The following NUP54 variants were observed in gnomAD, a reference collection of about 807,000 sequenced individuals.
NUP54 encodes nucleoporin 54.
A neutral mutation model predicts 66.4 loss-of-function variants in NUP54; 27 were observed. The observed-to-expected ratio is 0.41, with a 90% confidence interval of 0.30 to 0.56. The LOEUF (loss-of-function observed/expected upper bound fraction) is 0.56, where lower values mean the gene tolerates loss of function less well. Ranked by LOEUF, NUP54 falls within the 20% of genes least tolerant of loss-of-function variation. The pLI is 0.34. For synonymous variants in NUP54, 206 were observed against 210.7 expected, an observed-to-expected ratio of 0.98 and a Z score of 0.19; for missense variants, 486 against 596.3, an observed-to-expected ratio of 0.82 and a Z score of 1.93.
In NUP54 at chr4:76,144,423, T is replaced by C. The variant is rs767714468; in HGVS notation, c.118A>G (p.Ser40Gly). Residue 40 changes from serine to glycine, a missense_variant, in exon 2 of 12, where the codon AGC (serine) becomes GGC (glycine). Transcript: ENST00000264883. ...CCTGTGTTAGTTGGGGCAGAAAAGC[T>C]GAATGCAGAACCTGCAGTTGTAGAT... ...TTSTTAGSAF[S>G]FSAPTNTGTT... 3.1e-6 allele frequency: 5 copies of C among 1,609,442 alleles called. No individual in the cohort carries two copies. In the Admixed American group the frequency reaches 8.5e-5, roughly 27 times the overall value.
chr4:76,124,460 A>G, intron 9 of NUP54, 189 bp downstream of exon 9: 1 of 353,074 alleles, frequency 2.8e-6, no homozygotes, highest in Non-Finnish European at 5.0e-6. Flanking sequence ...GGATATTTTT[A>G]TTCTCCTCAC....
intron 8 of NUP54, among the ~76,000 whole-genome samples, chr4:76,127,432 C>CAA (rs59383944): frequency 0.011 from 580 of 54,382 alleles, 20 homozygotes; most frequent in African/African-American, 0.033. Context: ...ACCCCCATCT[C>CAA]AAAAAAAAAA....
chr4:76,131,089 C>A, intron 7 of NUP54, 141 bp downstream of exon 7: 1 of 654,024 alleles, frequency 1.5e-6, no homozygotes. Flanking sequence ...TTTAGCTGGA[C>A]AATAATCAAT....
intron 9 of NUP54, among the ~76,000 whole-genome samples, chr4:76,122,397 C>T (rs1730274206): frequency 6.6e-6 from 1 of 152,098 alleles, no homozygotes; most frequent in Non-Finnish European, 1.5e-5. Flanking sequence ...TTTCCATCAC[C>T]CCAAGCCCCT....
intron 8 of NUP54, among the ~76,000 whole-genome samples, chr4:76,128,388 G>A (rs932348872): frequency 4.4e-5 from 5 of 113,476 alleles, no homozygotes; most frequent in African/African-American, 7.9e-5. Flanking sequence ...AGATTAAAAG[G>A]AAATGCTGAA....
At chr4:76,116,225 T>C (rs1729945915) in intron 11 of NUP54, among the ~76,000 whole-genome samples, 1 of 152,238 alleles carries the variant, frequency 6.6e-6, no homozygotes, top group Admixed American at 6.5e-5. Flanking sequence ...AACCTGTTAA[T>C]TTATTGCAAA....
intron 1 of NUP54, chr4:76,145,691 C>A: frequency 2.0e-6 from 1 of 505,140 alleles, no homozygotes; most frequent in Non-Finnish European, 3.0e-6. Flanking sequence ...TATCAAAAAG[C>A]CTTTCAAGAC....
Position 76,124,637 on chromosome 4 carries a change from C to T in NUP54, c.1164+12G>A. On this transcript the variant is annotated intron_variant, in intron 9 of 11. Coordinates refer to ENST00000264883, the MANE Select transcript of NUP54 (RefSeq NM_017426.4). Reference sequence around the variant, plus strand: ...TCTTATAAACACTGGGGGGGAAAATCCAAATTACTACCTGTAAAGTTCTAT... The same window carrying T: ...TCTTATAAACACTGGGGGGGAAAATTCAAATTACTACCTGTAAAGTTCTAT... 1.5e-6 allele frequency: 2 copies of T among 1,365,780 alleles called. No homozygotes were observed. Among genetic ancestry groups the T allele is most frequent in the Admixed American group, 1.7e-5 (1 of 57,222 alleles). 84.6% of individuals were successfully genotyped at this position (1,365,780 alleles called of 1,614,324 possible).
intron 6 of NUP54, 57 bp downstream of exon 6, chr4:76,132,466 G>C (rs1032125374): frequency 2.7e-5 from 35 of 1,302,786 alleles, no homozygotes; most frequent in East Asian, 4.9e-5. Flanking sequence ...GAAATACGGG[G>C]AGTGTTTAGT....
chr4:76,130,163 G>A (rs1310756867), intron 8 of NUP54, among the ~76,000 whole-genome samples: 3 of 151,340 alleles, frequency 2.0e-5, no homozygotes, highest in Non-Finnish European at 4.4e-5. Flanking sequence ...GAATTTTTTA[G>A]TACAGACCAG....
intron 8 of NUP54, among the ~76,000 whole-genome samples, chr4:76,128,181 T>G (rs1730623897): frequency 6.6e-6 from 1 of 152,110 alleles, no homozygotes; most frequent in African/African-American, 2.4e-5. Context: ...CTATTAATCT[T>G]GGGTAATTCC....
At chr4:76,131,981 T>C (rs988035021) in intron 6 of NUP54, among the ~76,000 whole-genome samples, 1 of 152,130 alleles carries the variant, frequency 6.6e-6, no homozygotes, top group Admixed American at 6.6e-5. Flanking sequence ...TAAGGAATAC[T>C]GTAAAAAGGC....
chr4:76,119,007 A>C (rs2109853483), intron 9 of NUP54, among the ~76,000 whole-genome samples: 1 of 152,222 alleles, frequency 6.6e-6, no homozygotes, highest in East Asian at 2.0e-4. Flanking sequence ...CTCTGTCTCA[A>C]AAAACAGACA....
At position 76,115,203 on chromosome 4, in the gene NUP54, T is replaced by C; in HGVS notation, c.*163A>G. The C allele has an allele frequency of 1.9e-6, 1 of 521,926 alleles. No homozygotes were observed. The highest frequency in any genetic ancestry group is 4.8e-5 in the South Asian group (1 of 20,710). 32.3% of individuals were successfully genotyped at this position (521,926 alleles called of 1,614,324 possible). ...TCTTTGAAGAGCTGTGAGGTGACTA[T>C]TTCAGATTTGATGAACAGTAATTTG... is the stretch of plus-strand genomic sequence containing the variant. On this transcript the variant is annotated 3_prime_UTR_variant, in exon 12 of 12. Transcript: ENST00000264883.
At position 76,144,437 on chromosome 4, in the gene NUP54, G is replaced by A. The variant is rs755784853; in HGVS notation, c.104C>T (p.Ala35Val). 5 of 1,608,372 alleles carry A rather than the reference G, an allele frequency of 3.1e-6. No individual in the cohort carries two copies. Among genetic ancestry groups the A allele is most frequent in the Non-Finnish European group, 4.2e-6 (5 of 1,178,546 alleles). Residue 35 changes from alanine (A) to valine (V), a missense_variant, in exon 2 of 12, where the codon GCA becomes GTA. Physicochemically the swap from Ala to Val is moderately conservative, Grantham distance 64. This residue lies in a region of NUP54 where 145 missense variants were observed against 137.1 expected (regional missense o/e 1.06). Transcript: ENST00000264883. ...GGCAGAAAAGCTGAATGCAGAACCT[G>A]CAGTTGTAGATGTTGTCCCAAATCC... ...FGGFGTTSTTAGSAFSFSAPT... is the reference protein window; with the variant it reads ...FGGFGTTSTTVGSAFSFSAPT...
At chr4:76,119,754 G>A (rs1284558823) in intron 9 of NUP54, among the ~76,000 whole-genome samples, 1 of 151,970 alleles carries the variant, frequency 6.6e-6, no homozygotes, top group Non-Finnish European at 1.5e-5. Context: ...CAGACTCTTG[G>A]TTTGCTGCTA....
At chr4:76,124,627 G>T in intron 9 of NUP54, 22 bp downstream of exon 9, 2 of 1,060,890 alleles carry the variant, frequency 1.9e-6, no homozygotes, top group Non-Finnish European at 2.9e-6. Context: ...TAAACACTGG[G>T]GGGGAAAATC....
chr4:76,135,360 T>C (rs1464203074), intron 4 of NUP54, among the ~76,000 whole-genome samples: 2 of 152,242 alleles, frequency 1.3e-5, no homozygotes, highest in Non-Finnish European at 2.9e-5. Flanking sequence ...TTATGCATTT[T>C]ACCATGTTAT....
intron 1 of NUP54, chr4:76,147,677 A>G: frequency 7.9e-7 from 1 of 1,269,888 alleles, no homozygotes; most frequent in South Asian, 1.3e-5. Flanking sequence ...AAATTTTAAA[A>G]AGGGGGAGAG....
Sources: gnomAD v4.1 joint callset for allele counts (sites outside exome capture counted in the v4.1 genomes callset) on GRCh38, gnomAD v4.1.1 for gene constraint, gnomAD v4.1.1 regional missense constraint, MANE v1.5 for transcripts, NCBI Gene and HGNC (gene_info 2026-07-23, HGNC 2026-07-21) for gene names.